Variants in PID1 observed in about 807,000 individuals in gnomAD.
The protein encoded by PID1 is PTB-containing, cubilin and LRP1-interacting protein.
A neutral mutation model predicts 19.1 loss-of-function variants in PID1; 10 were observed. That is an observed-to-expected ratio of 0.52 (90% CI 0.32 to 0.89). The LOEUF (loss-of-function observed/expected upper bound fraction) is 0.89. PID1 is among the 40% of genes least tolerant of loss of function. The pLI is 0.03. For missense variants in PID1, 248 were observed against 285.3 expected, an observed-to-expected ratio of 0.87 and a Z score of 0.94; for synonymous variants, 130 against 116.0, an observed-to-expected ratio of 1.12 and a Z score of -0.78.
Position 229,046,379 on chromosome 2 carries a change from T to C in PID1, c.178-20271A>G, listed in dbSNP as rs879796147. 4.9e-3 allele frequency among the ~76,000 whole-genome samples: 713 copies of C among 144,268 alleles called. 5 individuals are homozygous for C. The highest frequency in any genetic ancestry group is 0.014 in the African/African-American group (531 of 38,758). The allele number at this position is 144,268 out of a possible 152,430, so 94.6% of individuals were successfully genotyped here. ...GTGTGTGTGTGTGTGTGTGTGTGTG[T>C]GCGTGTGTGTGTGTGTGTGAGTCAG... is the stretch of plus-strand genomic sequence containing the variant. On this transcript the variant is annotated intron_variant, in intron 2 of 2. Coordinates refer to ENST00000392055, the MANE Select transcript of PID1 (RefSeq NM_001100818.2).
intron 2 of PID1, among the ~76,000 whole-genome samples, chr2:229,070,850 A>G (rs534041271): frequency 6.2e-4 from 94 of 152,278 alleles, no homozygotes; most frequent in Admixed American, 1.6e-3. Flanking sequence ...TTATCAGCTT[A>G]CCCAGATGTG....
At chr2:229,175,308 G>T (rs892674752) in intron 1 of PID1, among the ~76,000 whole-genome samples, 1 of 145,898 alleles carries the variant, frequency 6.9e-6, no homozygotes, top group South Asian at 2.3e-4. Context: ...ATCAAGCTCT[G>T]TTCCCTGTTT....
intron 2 of PID1, among the ~76,000 whole-genome samples, chr2:229,065,712 C>CAAAAAAAAAAAAAAAA (rs71988256): frequency 3.3e-4 from 34 of 103,944 alleles, no homozygotes; most frequent in African/African-American, 1.2e-3. Flanking sequence ...TTGTGATTTA[C>CAAAAAAAAAAAAAAAA]AAAAAAAAAA....
chr2:229,191,622 A>G (rs1691261838), intron 1 of PID1, among the ~76,000 whole-genome samples: 2 of 152,240 alleles, frequency 1.3e-5, no homozygotes. Context: ...AAGTTCATTC[A>G]TGAGATTATA....
intron 1 of PID1, among the ~76,000 whole-genome samples, chr2:229,167,889 G>T (rs1283453774): frequency 1.3e-5 from 2 of 152,012 alleles, no homozygotes; most frequent in East Asian, 1.9e-4. Context: ...TATTTTAATT[G>T]TTGTTAAACA....
At chr2:229,232,687 T>G (rs950391066) in intron 1 of PID1, among the ~76,000 whole-genome samples, 1 of 149,828 alleles carries the variant, frequency 6.7e-6, no homozygotes, top group South Asian at 2.1e-4. Flanking sequence ...TATGTATGTA[T>G]ACATACATAT....
chr2:229,193,843 T>C (rs576781025), intron 1 of PID1, among the ~76,000 whole-genome samples: 1 of 150,316 alleles, frequency 6.7e-6, no homozygotes, highest in South Asian at 2.1e-4. Flanking sequence ...GTAAAATTGA[T>C]GTCAAGTAAA....
chr2:229,104,495 T>C (rs764356757), intron 2 of PID1, among the ~76,000 whole-genome samples: 12 of 152,250 alleles, frequency 7.9e-5, no homozygotes, highest in Non-Finnish European at 1.6e-4. Context: ...TGAGCACATA[T>C]AGTGAGTATT....
intron 1 of PID1, among the ~76,000 whole-genome samples, chr2:229,267,425 T>A (rs908207684): frequency 5.9e-5 from 9 of 152,184 alleles, no homozygotes; most frequent in Non-Finnish European, 1.2e-4. Flanking sequence ...AGCTAGATGA[T>A]TATATTGGAA....
intron 1 of PID1, among the ~76,000 whole-genome samples, chr2:229,182,415 A>T (rs1450263567): frequency 4.9e-5 from 6 of 123,580 alleles, no homozygotes; most frequent in South Asian, 3.6e-4. Flanking sequence ...TTAAAGTATT[A>T]AAAAAAAGCC....
intron 1 of PID1, among the ~76,000 whole-genome samples, chr2:229,267,091 G>A (rs182800137): frequency 9.5e-4 from 144 of 152,362 alleles, no homozygotes; most frequent in African/African-American, 3.3e-3. Flanking sequence ...GAGAAAGGGT[G>A]AGATAATCCT....
chr2:229,198,699 G>C lies in PID1; in HGVS notation c.31-42735C>G, dbSNP rs542717727. ...GGAGACGCCCTTGATTCCTCTCTCT[G>C]AGAGTTTACACCTTACCTACTGATA... On this transcript the variant is annotated intron_variant, in intron 1 of 2. Coordinates refer to ENST00000392055, the MANE Select transcript of PID1 (RefSeq NM_001100818.2). 2.6e-5 allele frequency among the ~76,000 whole-genome samples: 4 copies of C among 152,140 alleles called. No homozygotes were observed. The South Asian group carries it at 6.2e-4, about 24-fold the overall frequency.
At chr2:229,071,116 G>A (rs1212768487) in intron 2 of PID1, among the ~76,000 whole-genome samples, 1 of 152,124 alleles carries the variant, frequency 6.6e-6, no homozygotes, top group Non-Finnish European at 1.5e-5. Context: ...AGTAGAATAT[G>A]ATGTTCTTCC....
At chr2:229,190,463 G>A (rs151151682) in intron 1 of PID1, among the ~76,000 whole-genome samples, 459 of 152,322 alleles carry the variant, frequency 3.0e-3, no homozygotes, top group Non-Finnish European at 4.9e-3. Context: ...GAAGGAACTA[G>A]GGGAAACAGA....
chr2:229,077,915 C>T lies in PID1; in HGVS notation c.178-51807G>A, dbSNP rs182093181. Among the ~76,000 whole-genome samples, 1,106 of 152,144 alleles carry T rather than the reference C, an allele frequency of 7.3e-3. 17 individuals are homozygous for T. The highest frequency in any genetic ancestry group is 0.025 in the African/African-American group (1,039 of 41,502). ...AATTTAAAATAGTTTTTTCTAATTC[C>T]GTGAAGAAAGTCAATGGTAGCTTGA... On this transcript the variant is annotated intron_variant, in intron 2 of 2. Coordinates refer to ENST00000392055, the MANE Select transcript of PID1 (RefSeq NM_001100818.2).
At chr2:229,087,409 C>G (rs1028610042) in intron 2 of PID1, among the ~76,000 whole-genome samples, 2 of 152,090 alleles carry the variant, frequency 1.3e-5, no homozygotes, top group South Asian at 2.1e-4. Context: ...TGTTAGAAAC[C>G]AGGACAGTGC....
At chr2:229,077,080 G>A (rs368352705) in intron 2 of PID1, among the ~76,000 whole-genome samples, 16 of 152,044 alleles carry the variant, frequency 1.1e-4, no homozygotes, top group Non-Finnish European at 1.6e-4. Context: ...TTTAATGACC[G>A]CTATTCTAAC....
At chr2:229,060,458 C>T (rs1694188519) in intron 2 of PID1, among the ~76,000 whole-genome samples, 1 of 152,132 alleles carries the variant, frequency 6.6e-6, no homozygotes, top group African/African-American at 2.4e-5. Context: ...CTGCCTTCCT[C>T]TTAAAGGCTG....
chr2:229,046,209 C>T (rs575603376), intron 2 of PID1, among the ~76,000 whole-genome samples: 14 of 152,290 alleles, frequency 9.2e-5, no homozygotes, highest in African/African-American at 3.4e-4. Context: ...AAGAATGCTA[C>T]ATTTTCTCAG....
Sources: allele counts gnomAD v4.1 joint callset (sites outside exome capture counted in the v4.1 genomes callset), GRCh38; gene constraint gnomAD v4.1.1; transcripts MANE v1.5; gene names NCBI Gene and HGNC (gene_info 2026-07-23, HGNC 2026-07-21).